The following TENM4 variants were observed in gnomAD, a reference collection of about 807,000 sequenced individuals.
The protein encoded by TENM4 is teneurin transmembrane protein 4.
A neutral mutation model predicts 243.3 loss-of-function variants in TENM4; 82 were observed. That is an observed-to-expected ratio of 0.34 (90% CI 0.28 to 0.40). TENM4 has a LOEUF of 0.40. Among genes scored for constraint, TENM4 ranks in the 10% least tolerant of loss-of-function variants. The pLI is 1.00. For synonymous variants in TENM4, 1,412 were observed against 1,456.3 expected, an observed-to-expected ratio of 0.97 and a Z score of 0.69; for missense variants, 3,138 against 3,673.3, an observed-to-expected ratio of 0.85 and a Z score of 3.77.
intron 28 of TENM4, among the ~76,000 whole-genome samples, chr11:78,690,430 T>C (rs1265266578): frequency 6.6e-6 from 1 of 152,210 alleles, no homozygotes; most frequent in Non-Finnish European, 1.5e-5. Context: ...TTACAGGTGA[T>C]TTGAATTGCT....
intron 31 of TENM4, among the ~76,000 whole-genome samples, chr11:78,671,731 A>T (rs1001109125): frequency 6.6e-6 from 1 of 152,076 alleles, no homozygotes; most frequent in African/African-American, 2.4e-5. Flanking sequence ...CTGGGAGCAG[A>T]CCCTTGGCCT....
chr11:79,098,523 A>G (rs2156214), intron 4 of TENM4, among the ~76,000 whole-genome samples: 43,638 of 152,080 alleles, frequency 0.29, 6,366 homozygotes, highest in East Asian at 0.38. Flanking sequence ...CTCTCTCCTG[A>G]GGAGGACTCA....
chr11:79,093,893 G>A (rs992597186), intron 4 of TENM4: 20 of 152,146 alleles, frequency 1.3e-4, no homozygotes, highest in African/African-American at 4.8e-4. Flanking sequence ...CATCTTTACG[G>A]TTTAGGCTTA....
chr11:78,961,858 T>C (rs1857331318), intron 6 of TENM4, among the ~76,000 whole-genome samples: 1 of 152,090 alleles, frequency 6.6e-6, no homozygotes, highest in Non-Finnish European at 1.5e-5. Flanking sequence ...TGATGTTTCC[T>C]TCTCGTGATG....
chr11:79,149,915 A>T (rs1406934146), intron 3 of TENM4, among the ~76,000 whole-genome samples: 2 of 152,198 alleles, frequency 1.3e-5, no homozygotes. Context: ...AGTATCACTA[A>T]CAATGCCCTA....
At chr11:78,738,349 C>A in intron 20 of TENM4, 102 bp downstream of exon 20, 1 of 1,464,594 alleles carries the variant, frequency 6.8e-7, no homozygotes. Flanking sequence ...CCTCTGAATC[C>A]AAGACCCATC....
intron 1 of TENM4, among the ~76,000 whole-genome samples, chr11:79,373,146 G>A (rs1009076173): frequency 6.6e-6 from 1 of 152,198 alleles, no homozygotes; most frequent in Admixed American, 6.5e-5. Flanking sequence ...TGATACAACA[G>A]TATCTGATAA....
rs71763484 is a variant in TENM4 at position 78,880,457 on chromosome 11, T to TA, written c.1084+9327dup. Among the ~76,000 whole-genome samples the TA allele has an allele frequency of 2.1e-3, 222 of 104,518 alleles. 5 individuals are homozygous for TA. Among genetic ancestry groups the TA allele is most frequent in the African/African-American group, 0.013 (189 of 14,648 alleles). The allele number at this position is 104,518 out of a possible 152,430, so 68.6% of individuals were successfully genotyped here. A position where few individuals can be genotyped will look rare whatever the true frequency, so the allele number is the denominator to read the frequency against. On this transcript the variant is annotated intron_variant, in intron 9 of 33. Transcript: ENST00000278550. ...ACACCCAAGAATGATCAATAAATACTAAAAAAAAAAAAAAAAAAAAAAAAA... is the reference window on the plus strand; with the variant it reads ...ACACCCAAGAATGATCAATAAATACTAAAAAAAAAAAAAAAAAAAAAAAAAA...
chr11:79,123,111 T>G (rs151335474), intron 4 of TENM4, among the ~76,000 whole-genome samples: 51 of 152,184 alleles, frequency 3.4e-4, no homozygotes, highest in African/African-American at 1.2e-3. Context: ...CTGGGAAACG[T>G]TGGGAAAGGG....
At chr11:78,800,227 A>G (rs1242347203) in intron 15 of TENM4, among the ~76,000 whole-genome samples, 1 of 152,096 alleles carries the variant, frequency 6.6e-6, no homozygotes, top group Non-Finnish European at 1.5e-5. Context: ...AGATGGGAGG[A>G]GTTGTTCTGC....
At chr11:79,175,612 C>T (rs950056780) in intron 3 of TENM4, among the ~76,000 whole-genome samples, 4 of 152,084 alleles carry the variant, frequency 2.6e-5, no homozygotes, top group Non-Finnish European at 5.9e-5. Flanking sequence ...GAATGCAGTC[C>T]TATTTTTAGA....
At chr11:78,948,335 A>G (rs1857045020) in intron 6 of TENM4, among the ~76,000 whole-genome samples, 1 of 151,672 alleles carries the variant, frequency 6.6e-6, no homozygotes, top group South Asian at 2.1e-4. Flanking sequence ...CCTAACATAC[A>G]TACTATAGTT....
At position 79,026,050 on chromosome 11, in the gene TENM4, C is replaced by T. The variant is rs1055591515; in HGVS notation, c.493+38688G>A. Among the ~76,000 whole-genome samples the T allele has an allele frequency of 2.0e-5, 3 of 152,106 alleles. 1 individual carries two copies. Among genetic ancestry groups the T allele is most frequent in the African/African-American group, 7.2e-5 (3 of 41,426 alleles). On this transcript the variant is annotated intron_variant, in intron 6 of 33. Transcript: ENST00000278550. ...AAGCCTTCGATTCTCTGTGCTCCAA[C>T]GAGGGCAACGATGTCAGTGATCACA... is the stretch of plus-strand genomic sequence containing the variant.
chr11:78,820,573 G>C (rs949636102), intron 12 of TENM4, among the ~76,000 whole-genome samples: 2 of 152,154 alleles, frequency 1.3e-5, no homozygotes, highest in Non-Finnish European at 2.9e-5. Context: ...TGGCAGAGCT[G>C]GTATTTTGGT....
chr11:78,809,664 G>A (rs555500819), intron 14 of TENM4, among the ~76,000 whole-genome samples: 2 of 152,356 alleles, frequency 1.3e-5, no homozygotes, highest in East Asian at 3.9e-4. Flanking sequence ...GGTGATGAAG[G>A]AGTAGGAGCA....
intron 12 of TENM4, among the ~76,000 whole-genome samples, chr11:78,833,160 T>C (rs1335516653): frequency 6.6e-6 from 1 of 152,198 alleles, no homozygotes; most frequent in African/African-American, 2.4e-5. Context: ...ATAATATATG[T>C]AAACAGTTTA....
At chr11:79,192,096 G>A (rs1319185960) in intron 3 of TENM4, among the ~76,000 whole-genome samples, 2 of 150,444 alleles carry the variant, frequency 1.3e-5, no homozygotes, top group Non-Finnish European at 3.0e-5. Context: ...GGAGGTGGGG[G>A]GGGGTCAGCC....
intron 6 of TENM4, among the ~76,000 whole-genome samples, chr11:78,994,290 C>A (rs999593781): frequency 9.2e-5 from 14 of 152,124 alleles, no homozygotes; most frequent in Non-Finnish European, 1.6e-4. Context: ...GTTCTTTGAC[C>A]AGCCACATGA....
At chr11:79,307,421 G>T (rs1488462059) in intron 1 of TENM4, among the ~76,000 whole-genome samples, 2 of 152,058 alleles carry the variant, frequency 1.3e-5, no homozygotes, top group African/African-American at 4.8e-5. Flanking sequence ...CTCCTGCACT[G>T]AACCCCCTAG....
Sources: gnomAD v4.1 joint callset for allele counts (sites outside exome capture counted in the v4.1 genomes callset) on GRCh38, gnomAD v4.1.1 for gene constraint, MANE v1.5 for transcripts, NCBI Gene and HGNC (gene_info 2026-07-23, HGNC 2026-07-21) for gene names.